HOXD13: variants seen among roughly 807,000 people sequenced by gnomAD.
The protein encoded by HOXD13 is homeobox protein Hox-D13.
In HOXD13, 16 loss-of-function variants were observed where a neutral mutation model predicts 27.3. The ratio of observed to expected loss-of-function variants is 0.59; its 90% CI spans 0.40 to 0.89. HOXD13 has a LOEUF of 0.89. HOXD13 is among the 40% of genes least tolerant of loss of function. The pLI is 0.00. For synonymous variants in HOXD13, 241 were observed against 219.0 expected, an observed-to-expected ratio of 1.10 and a Z score of -0.89; for missense variants, 481 against 482.6, an observed-to-expected ratio of 1.00 and a Z score of 0.03.
rs1689399786 is a variant in HOXD13, at chr2:176,095,542, T to C, written c.*812T>C. 4 of 228,894 alleles carry C rather than the reference T, an allele frequency of 1.7e-5. No individual in the cohort carries two copies. The highest frequency in any genetic ancestry group is 3.5e-5 in the Non-Finnish European group (4 of 115,296). 14.2% of individuals were successfully genotyped at this position (228,894 alleles called of 1,614,324 possible). A position where few individuals can be genotyped will look rare whatever the true frequency, so the allele number is the denominator to read the frequency against. On this transcript the variant is annotated 3_prime_UTR_variant, in exon 2 of 2. Transcript: ENST00000392539. Reference sequence around the variant, plus strand: ...TAGAGTGACCCGCGGATGGCATAAATGCACCTCCTTTTCTTGGCCTTGGAT... The same window carrying C: ...TAGAGTGACCCGCGGATGGCATAAACGCACCTCCTTTTCTTGGCCTTGGAT...
At position 176,093,031 on chromosome 2, in the gene HOXD13, T is replaced by A; in HGVS notation, c.141T>A (p.Pro47=). Residue 47 remains proline, a synonymous_variant, in exon 1 of 2, where the codon CCT becomes CCA. Transcript: ENST00000392539. ...SGQCRGFLSA[P]VFAGTHSGRA... Reference sequence around the variant, plus strand: ...AGTGCCGCGGCTTTCTCTCCGCGCCTGTGTTCGCCGGGACGCATTCGGGGC... The same window carrying A: ...AGTGCCGCGGCTTTCTCTCCGCGCCAGTGTTCGCCGGGACGCATTCGGGGC... 2 of 1,384,064 alleles carry A rather than the reference T, an allele frequency of 1.4e-6. No individual in the cohort carries two copies. Among genetic ancestry groups the A allele is most frequent in the Non-Finnish European group, 1.9e-6 (2 of 1,077,190 alleles). The allele number at this position is 1,384,064 out of a possible 1,614,324, so 85.7% of individuals were successfully genotyped here.
rs1689387116 is a variant in HOXD13 at position 176,094,744 on chromosome 2, G to A, written c.*14G>A. 1.2e-6 allele frequency: 2 copies of A among 1,613,394 alleles called. No individual in the cohort carries two copies. Among genetic ancestry groups the A allele is most frequent in the Non-Finnish European group, 1.7e-6 (2 of 1,179,408 alleles). On this transcript the variant is annotated 3_prime_UTR_variant, in exon 2 of 2. Transcript: ENST00000392539. Reference sequence around the variant, plus strand: ...ACTGTCTCCTGATGTGGTCCAGGTTGGCCACAGACAGCTTAGAAGCCATTC... The same window carrying A: ...ACTGTCTCCTGATGTGGTCCAGGTTAGCCACAGACAGCTTAGAAGCCATTC...
rs1361398509 is a variant in HOXD13 at position 176,093,541 on chromosome 2, G to A, written c.651G>A (p.Glu217=). Residue 217 remains glutamate, a synonymous_variant, in exon 1 of 2, where the codon GAG becomes GAA. Coordinates refer to ENST00000392539, the MANE Select transcript of HOXD13 (RefSeq NM_000523.4). The stretch of plus-strand genomic sequence containing the variant: ...TGGTGTCCACTTTCGGCTCCGGGGA[G>A]CCTCGGCACGAGGCCTACATCTCCA... ...IDMVSTFGSG[E]PRHEAYISME... is the part of the protein sequence containing the mutation. The A allele has an allele frequency of 6.2e-7, 1 of 1,614,006 alleles. No individual in the cohort carries two copies. The highest frequency in any genetic ancestry group is 1.1e-5 in the South Asian group (1 of 91,082).
At chr2:176,088,109 G>T (rs1689268433), upstream of HOXD13, among the ~76,000 whole-genome samples, 1 of 152,280 alleles carries the variant, frequency 6.6e-6, no homozygotes, top group Admixed American at 6.5e-5. Flanking sequence ...GCCTTGGGAC[G>T]CATGCTTGCT....
At chr2:176,091,315 G>GCAC (rs1689315721), upstream of HOXD13, among the ~76,000 whole-genome samples, 1 of 152,150 alleles carries the variant, frequency 6.6e-6, no homozygotes, top group Non-Finnish European at 1.5e-5. Flanking sequence ...CTGGCTTGGG[G>GCAC]AGTGCATGCC....
At chr2:176,087,790 G>A (rs1689263360), upstream of HOXD13, among the ~76,000 whole-genome samples, 1 of 152,246 alleles carries the variant, frequency 6.6e-6, no homozygotes. Context: ...GTACAGGAAG[G>A]ACTTCCTTCG....
At chr2:176,090,889 C>T (rs1689309464), upstream of HOXD13, among the ~76,000 whole-genome samples, 1 of 152,152 alleles carries the variant, frequency 6.6e-6, no homozygotes, top group Non-Finnish European at 1.5e-5. Context: ...TTTTAAAATG[C>T]TGGTTGAACT....
chr2:176,094,824 C>G lies in HOXD13; in HGVS notation c.*94C>G. The G allele has an allele frequency of 8.6e-7, 1 of 1,164,010 alleles. No homozygotes were observed. The highest frequency in any genetic ancestry group is 1.3e-6 in the Non-Finnish European group (1 of 779,786). The allele number at this position is 1,164,010 out of a possible 1,614,324, so 72.1% of individuals were successfully genotyped here. A position where few individuals can be genotyped will look rare whatever the true frequency, so the allele number is the denominator to read the frequency against. On this transcript the variant is annotated 3_prime_UTR_variant, in exon 2 of 2. Transcript: ENST00000392539. ...TTGAATATGTATTTAATTCCCCCCA[C>G]CCCCTGCCAATGGTGGCAAATTTTG...
At chr2:176,092,479 G>A (rs1574942495), upstream of HOXD13, among the ~76,000 whole-genome samples, 2 of 151,082 alleles carry the variant, frequency 1.3e-5, no homozygotes, top group Middle Eastern at 6.8e-3. Context: ...TCGGGGGGGA[G>A]GGCGGGAATG....
chr2:176,090,955 G>C (rs775535881), upstream of HOXD13, among the ~76,000 whole-genome samples: 13 of 152,128 alleles, frequency 8.5e-5, no homozygotes, highest in Non-Finnish European at 1.6e-4. Flanking sequence ...TTTCTCATCA[G>C]CAAACTTCTA....
Position 176,093,103 on chromosome 2 carries a change from C to T in HOXD13, c.213C>T (p.Ala71=). The T allele has an allele frequency of 6.5e-7, 1 of 1,530,710 alleles. No individual in the cohort carries two copies. Among genetic ancestry groups the T allele is most frequent in the Non-Finnish European group, 8.7e-7 (1 of 1,149,760 alleles). 94.8% of individuals were successfully genotyped at this position (1,530,710 alleles called of 1,614,324 possible). A position where few individuals can be genotyped will look rare whatever the true frequency, so the allele number is the denominator to read the frequency against. The change falls in exon 1 of 2, where the codon GCC becomes GCT. Residue 71 remains alanine, a synonymous_variant. Coordinates refer to ENST00000392539, the MANE Select transcript of HOXD13 (RefSeq NM_000523.4). ...CGGCTGCGGCGGCGGCGGCGGCAGC[C>T]TCCGGCTTTGCGTACCCCGGGACCT... ...AAAAAAAAAA[A]SGFAYPGTSE...
In HOXD13 at chr2:176,093,467, T is replaced by C; in HGVS notation, c.577T>C (p.Tyr193His). 6 of 1,614,064 alleles carry C rather than the reference T, an allele frequency of 3.7e-6. No homozygotes were observed. Among genetic ancestry groups the C allele is most frequent in the Non-Finnish European group, 5.1e-6 (6 of 1,180,030 alleles). Residue 193 changes from tyrosine (Y) to histidine (H), a missense_variant, in exon 1 of 2, where the codon TAC becomes CAC. Tyr to His is a moderately conservative substitution (Grantham distance 83). Transcript: ENST00000392539. ...VPARAKEVSF[Y>H]QGYTSPYQHV... ...AGCGCGAGCCAAGGAGGTATCCTTC[T>C]ACCAGGGCTATACGAGCCCTTACCA...
chr2:176,093,761 A>G, intron 1 of HOXD13, 90 bp downstream of exon 1: 3 of 862,570 alleles, frequency 3.5e-6, no homozygotes, highest in Non-Finnish European at 5.4e-6. Flanking sequence ...CCTACTTGGG[A>G]GTGGGAGTTG....
rs1180962968 is a variant in HOXD13 at position 176,093,429 on chromosome 2, C to T, written c.539C>T (p.Ala180Val). The T allele has an allele frequency of 6.2e-7, 1 of 1,613,980 alleles. No individual in the cohort carries two copies. The highest frequency in any genetic ancestry group is 2.2e-5 in the East Asian group (1 of 44,876). ...GGCCTGGCGAGCAGCAGCGTACCGG[C>T]CAACGAGGTGCCAGCGCGAGCCAAG... ...VSGLASSSVP[A>V]NEVPARAKEV... Residue 180 changes from alanine to valine, a missense_variant, in exon 1 of 2, where the codon GCC becomes GTC. Physicochemically the swap from Ala to Val is moderately conservative, Grantham distance 64 (BLOSUM62 0). Coordinates refer to ENST00000392539, the MANE Select transcript of HOXD13 (RefSeq NM_000523.4).
rs1689341631 is a variant in HOXD13, at chr2:176,092,851, C to T, written c.-40C>T. On this transcript the variant is annotated 5_prime_UTR_variant, in exon 1 of 2. Coordinates refer to ENST00000392539, the MANE Select transcript of HOXD13 (RefSeq NM_000523.4). ...GCGCGCCGCGCCATGGTGTCCTGCG[C>T]GGGGCCAGGGCCAGGGCCGGGGCCG... The T allele has an allele frequency of 2.5e-6, 3 of 1,178,984 alleles. No individual in the cohort carries two copies. Among genetic ancestry groups the T allele is most frequent in the Non-Finnish European group, 3.2e-6 (3 of 946,574 alleles). The allele number at this position is 1,178,984 out of a possible 1,614,324, so 73.0% of individuals were successfully genotyped here. A position where few individuals can be genotyped will look rare whatever the true frequency, so the allele number is the denominator to read the frequency against.
intron 1 of HOXD13, among the ~76,000 whole-genome samples, chr2:176,093,967 A>G (rs182165381): frequency 5.3e-4 from 81 of 152,198 alleles, no homozygotes; most frequent in Non-Finnish European, 9.4e-4. Context: ...TTTTCTCCTA[A>G]AGAGAACTTT....
upstream of HOXD13, among the ~76,000 whole-genome samples, chr2:176,090,200 A>G (rs1187665291): frequency 1.3e-5 from 2 of 152,256 alleles, no homozygotes; most frequent in Non-Finnish European, 2.9e-5. Flanking sequence ...CCTCAGGGCA[A>G]AGCCCTCCCA....
upstream of HOXD13, among the ~76,000 whole-genome samples, chr2:176,092,617 G>A (rs571866542): frequency 4.9e-4 from 74 of 152,214 alleles, no homozygotes; most frequent in South Asian, 0.015. Context: ...CCAATGGCAC[G>A]CCCCCGGCGG....
At chr2:176,091,997 G>C (rs995641759), upstream of HOXD13, among the ~76,000 whole-genome samples, 1 of 152,140 alleles carries the variant, frequency 6.6e-6, no homozygotes, top group African/African-American at 2.4e-5. Flanking sequence ...GGCATCCATG[G>C]ACTTTTCTTT....
Sources: gnomAD v4.1 joint callset for allele counts (sites outside exome capture counted in the v4.1 genomes callset) on GRCh38, gnomAD v4.1.1 for gene constraint, MANE v1.5 for transcripts, NCBI Gene and HGNC (gene_info 2026-07-23, HGNC 2026-07-21) for gene names.